The following C16orf95 variants were observed in gnomAD, a reference collection of about 807,000 sequenced individuals.
C16orf95 encodes the protein chromosome 16 open reading frame 95.
In C16orf95, 41 loss-of-function variants were observed where a neutral mutation model predicts 32.1. The ratio of observed to expected loss-of-function variants is 1.28; its 90% confidence interval spans 1.00 to 1.66. The LOEUF is 1.66. C16orf95 is among the 40% of genes most tolerant of loss of function. The pLI, the probability that C16orf95 is intolerant of heterozygous loss-of-function variation, is 0.00. For missense variants in C16orf95, 399 were observed against 325.9 expected, an observed-to-expected ratio of 1.22 and a Z score of -1.73; for synonymous variants, 147 against 128.9, an observed-to-expected ratio of 1.14 and a Z score of -0.95.
At chr16:87,303,273 G>A (rs1978491) in intron 6 of C16orf95, 198 bp from the exon 7 acceptor site, 13 of 581,994 alleles carry the variant, frequency 2.2e-5, no homozygotes, top group South Asian at 6.2e-5. Flanking sequence ...CTTTCCAGCC[G>A]CAGGACTGGG....
At chr16:87,306,080 G>A (rs1319178206) in intron 5 of C16orf95, 175 bp from the exon 6 acceptor site, 7 of 455,318 alleles carry the variant, frequency 1.5e-5, no homozygotes, top group Non-Finnish European at 2.3e-5. Flanking sequence ...GCCGTCTTGC[G>A]GGTTTATGAT....
chr16:87,315,696 C>T, intron 2 of C16orf95, 76 bp downstream of exon 2: 2 of 1,146,692 alleles, frequency 1.7e-6, no homozygotes, highest in South Asian at 1.7e-5. Flanking sequence ...GCTTCTGGAC[C>T]CACATTCCCT....
At chr16:87,310,245 C>T in intron 5 of C16orf95, 52 bp downstream of exon 5, 1 of 1,526,502 alleles carries the variant, frequency 6.6e-7, no homozygotes, top group African/African-American at 1.4e-5. Context: ...GCTCACGAAC[C>T]CCACCTTTCT....
At chr16:87,314,736 T>C (rs1181385328) in intron 3 of C16orf95, among the ~76,000 whole-genome samples, 1 of 152,218 alleles carries the variant, frequency 6.6e-6, no homozygotes, top group Non-Finnish European at 1.5e-5. Flanking sequence ...TTATAGTTCA[T>C]AAGCATGATA....
intron 1 of C16orf95, among the ~76,000 whole-genome samples, chr16:87,316,726 G>GA (rs1004049916): frequency 1.3e-5 from 2 of 151,618 alleles, no homozygotes; most frequent in African/African-American, 2.4e-5. Context: ...GGAAAGCTGG[G>GA]AAAAAAAAGA....
chr16:87,304,631 G>T (rs1435881581), intron 6 of C16orf95, among the ~76,000 whole-genome samples: 1 of 152,238 alleles, frequency 6.6e-6, no homozygotes, highest in South Asian at 2.1e-4. Flanking sequence ...TGCATGGCCT[G>T]GAGAGGCTGG....
Position 87,303,009 on chromosome 16 carries a change from G to T in C16orf95, c.*48C>A, listed in dbSNP as rs1021352558. 2.0e-6 allele frequency: 3 copies of T among 1,530,284 alleles called. No homozygotes were observed. Among genetic ancestry groups the T allele is most frequent in the Non-Finnish European group, 2.6e-6 (3 of 1,141,684 alleles). 94.8% of individuals were successfully genotyped at this position (1,530,284 alleles called of 1,614,324 possible). A position where few individuals can be genotyped will look rare whatever the true frequency, so the allele number is the denominator to read the frequency against. ...TGGTGGACTCTCAAAGATCTTGATC[G>T]TGACACATTTTTGTGGCTGTTCTTG... On this transcript the variant is annotated 3_prime_UTR_variant, in exon 7 of 7. Transcript: ENST00000567970.
chr16:87,308,299 G>A (rs1331497327), intron 5 of C16orf95, among the ~76,000 whole-genome samples: 1 of 151,984 alleles, frequency 6.6e-6, no homozygotes, highest in African/African-American at 2.4e-5. Flanking sequence ...TGACCAACAT[G>A]GTGAAATCCC....
intron 6 of C16orf95, among the ~76,000 whole-genome samples, chr16:87,304,301 A>ACCCGGCCTCGCCCAT (rs113672981): frequency 2.5e-3 from 83 of 32,812 alleles, no homozygotes; most frequent in East Asian, 0.012. Flanking sequence ...AGGCCACCAC[A>ACCCGGCCTCGCCCAT]CCTTGCCCAT....
rs1342178049 is a variant in C16orf95 at position 87,305,843 on chromosome 16, A to G, written c.577T>C (p.Leu193=). 2.0e-6 allele frequency: 3 copies of G among 1,483,746 alleles called. No individual in the cohort carries two copies. In the Admixed American group the frequency reaches 6.8e-5, roughly 34 times the overall value. 91.9% of individuals were successfully genotyped at this position (1,483,746 alleles called of 1,614,324 possible). A position where few individuals can be genotyped will look rare whatever the true frequency, so the allele number is the denominator to read the frequency against. ...GCCTGGAGCTGCTGGAACTTGGACA[A>G]CAGGCACTCATCACCGCAGATCCGC... ...CWRICGDECL[L]SKFQQLQAPY... Residue 193 remains leucine, a synonymous_variant, in exon 6 of 7, where the codon TTG becomes CTG. Transcript: ENST00000567970. This position sits in a 1 kb window ranked among gnomAD's most constrained non-coding sequence, Gnocchi z 4.2.
chr16:87,310,150 G>A (rs1911215767), intron 5 of C16orf95, 147 bp downstream of exon 5: 2 of 807,436 alleles, frequency 2.5e-6, no homozygotes, highest in Admixed American at 4.2e-5. Context: ...TGGCTGTTGA[G>A]CAGGGGAAGG....
At chr16:87,306,414 G>A (rs947521955) in intron 5 of C16orf95, among the ~76,000 whole-genome samples, 14 of 151,972 alleles carry the variant, frequency 9.2e-5, no homozygotes, top group Non-Finnish European at 1.6e-4. Flanking sequence ...CACGGGGTCT[G>A]GTCAGCATGT....
chr16:87,306,110 T>C (rs1597342328), intron 5 of C16orf95: 1 of 421,594 alleles, frequency 2.4e-6, no homozygotes, highest in South Asian at 7.1e-5. Context: ...AACGGCAGCC[T>C]TGGGGCTGTT....
At chr16:87,313,219 G>A (rs1597346907) in intron 3 of C16orf95, among the ~76,000 whole-genome samples, 1 of 147,552 alleles carries the variant, frequency 6.8e-6, no homozygotes, top group Non-Finnish European at 1.5e-5. Flanking sequence ...GAAAAGCCAA[G>A]TCTGAAAAAG....
intron 1 of C16orf95, among the ~76,000 whole-genome samples, chr16:87,316,073 C>T (rs908016784): frequency 1.3e-5 from 2 of 152,114 alleles, no homozygotes. Context: ...ATTCCCAAGC[C>T]AACCAGCTTC....
chr16:87,308,702 A>G (rs1911138117), intron 5 of C16orf95, among the ~76,000 whole-genome samples: 1 of 152,184 alleles, frequency 6.6e-6, no homozygotes, highest in Non-Finnish European at 1.5e-5. Flanking sequence ...GTACTGGCAA[A>G]GCCATGTTTT....
intron 1 of C16orf95, among the ~76,000 whole-genome samples, chr16:87,316,478 T>C (rs1032970296): frequency 1.3e-5 from 2 of 152,204 alleles, no homozygotes; most frequent in Non-Finnish European, 2.9e-5. Flanking sequence ...ATAAGTGTTT[T>C]TGGGTTTCAT....
intron 3 of C16orf95, among the ~76,000 whole-genome samples, chr16:87,313,903 A>G (rs965762905): frequency 2.6e-5 from 4 of 152,202 alleles, no homozygotes; most frequent in Non-Finnish European, 5.9e-5. Context: ...CGAGTAAGAC[A>G]TGCAGATGGC....
Position 87,317,254 on chromosome 16 carries a change from T to TGATAC in C16orf95, c.-13_-12insGTATC. The TGATAC allele has an allele frequency of 6.6e-7, 1 of 1,514,262 alleles. No homozygotes were observed. Among genetic ancestry groups the TGATAC allele is most frequent in the Non-Finnish European group, 8.8e-7 (1 of 1,135,080 alleles). The allele number at this position is 1,514,262 out of a possible 1,614,324, so 93.8% of individuals were successfully genotyped here. A position where few individuals can be genotyped will look rare whatever the true frequency, so the allele number is the denominator to read the frequency against. On this transcript the variant is annotated 5_prime_UTR_variant, in exon 1 of 7. Coordinates refer to ENST00000567970, the MANE Select transcript of C16orf95 (RefSeq NM_001195124.3). ...CGGCTCGCACGCATATGGCTTCTTATGGCTGACGCGCCCTTTCACACACAC... is the reference window on the plus strand; with the variant it reads ...CGGCTCGCACGCATATGGCTTCTTATGATACGGCTGACGCGCCCTTTCACACACAC...
Sources: gnomAD v4.1 joint callset for allele counts (sites outside exome capture counted in the v4.1 genomes callset) on GRCh38, gnomAD v4.1.1 for gene constraint, Gnocchi (gnomAD v3.1) non-coding constraint, MANE v1.5 for transcripts, NCBI Gene and HGNC (gene_info 2026-07-23, HGNC 2026-07-21) for gene names.